Variants in ANK3 observed in about 807,000 individuals in gnomAD.
ANK3 encodes ankyrin-3.
In ANK3, 57 loss-of-function variants were observed where a neutral mutation model predicts 370.9. The observed-to-expected ratio is 0.15, with a 90% CI of 0.12 to 0.19. The LOEUF (loss-of-function observed/expected upper bound fraction) is 0.19. Among genes scored for constraint, ANK3 ranks in the 10% least tolerant of loss-of-function variants. The pLI is 1.00. For missense variants in ANK3, 4,439 were observed against 5,302.1 expected, an observed-to-expected ratio of 0.84 and a Z score of 5.06; for synonymous variants, 1,929 against 1,946.3, an observed-to-expected ratio of 0.99 and a Z score of 0.23.
chr10:60,306,942 C>T (rs913384899), intron 1 of ANK3, among the ~76,000 whole-genome samples: 6 of 152,088 alleles, frequency 3.9e-5, no homozygotes, highest in African/African-American at 1.2e-4. Flanking sequence ...GTTGCCTAGA[C>T]TGGTCTCAAA....
chr10:60,120,011 C>A (rs189025060), intron 25 of ANK3, among the ~76,000 whole-genome samples: 1 of 152,050 alleles, frequency 6.6e-6, no homozygotes, highest in East Asian at 1.9e-4. Context: ...CCAAAGCTAT[C>A]CTAAGTAAAA....
rs765525412 is a variant in ANK3 at position 60,072,488 on chromosome 10, T to C, written c.8393A>G (p.Glu2798Gly). 5 of 1,613,952 alleles carry C rather than the reference T, an allele frequency of 3.1e-6. No individual in the cohort carries two copies. Among genetic ancestry groups the C allele is most frequent in the Admixed American group, 1.7e-5 (1 of 59,990 alleles). Residue 2798 changes from glutamate (E) to glycine (G), a missense_variant, in exon 37 of 44, where the codon GAA (glutamate) becomes GGA (glycine). By Grantham distance (98) the Glu-to-Gly change is moderately conservative. Around this residue, in one of 13 missense-constraint regions of ANK3, gnomAD observed 1,601 missense variants for 1,731.7 expected, o/e 0.92. Transcript: ENST00000280772. ...AGAGCCAGAATCATTTACAACAATT[T>C]CGTTGCTTTGGGCATGCTCATCTTT... is the stretch of plus-strand genomic sequence containing the variant. ...KTKDEHAQSNEIVVNDSGSDN... is the reference protein window; with the variant it reads ...KTKDEHAQSNGIVVNDSGSDN...
intron 5 of ANK3, among the ~76,000 whole-genome samples, chr10:60,265,221 T>G (rs1220600401): frequency 6.6e-6 from 1 of 152,140 alleles, no homozygotes; most frequent in Non-Finnish European, 1.5e-5. Context: ...AAACAAAAAC[T>G]TATCCCTCCT....
At chr10:60,205,207 C>A (rs2096743106) in intron 11 of ANK3, among the ~76,000 whole-genome samples, 1 of 152,160 alleles carries the variant, frequency 6.6e-6, no homozygotes, top group African/African-American at 2.4e-5. Context: ...ACTTTACTAA[C>A]CTCAGCAGCT....
At chr10:60,392,761 T>C (rs1418913372), upstream of ANK3, among the ~76,000 whole-genome samples, 1 of 152,084 alleles carries the variant, frequency 6.6e-6, no homozygotes, top group Non-Finnish European at 1.5e-5. Context: ...AAACCCCATC[T>C]CTACTAAAAA....
At chr10:60,211,366 G>C (rs2096851822) in intron 9 of ANK3, among the ~76,000 whole-genome samples, 1 of 152,088 alleles carries the variant, frequency 6.6e-6, no homozygotes, top group Non-Finnish European at 1.5e-5. Flanking sequence ...AAAAAGGAAG[G>C]AGAATGGAGG....
intron 30 of ANK3, among the ~76,000 whole-genome samples, chr10:60,085,604 C>G (rs1446088461): frequency 6.9e-6 from 1 of 144,902 alleles, no homozygotes; most frequent in Non-Finnish European, 1.5e-5. Flanking sequence ...AATTAAGTCT[C>G]TTACTCTTTT....
intron 1 of ANK3, among the ~76,000 whole-genome samples, chr10:60,646,430 T>C (rs1010114425): frequency 6.6e-6 from 1 of 152,092 alleles, no homozygotes; most frequent in Admixed American, 6.5e-5. Flanking sequence ...ACAACTGCAG[T>C]CTGGACTAGG....
chr10:60,287,908 C>A (rs1381930812), intron 1 of ANK3, among the ~76,000 whole-genome samples: 2 of 152,152 alleles, frequency 1.3e-5, no homozygotes, highest in Admixed American at 6.5e-5. Flanking sequence ...TAATAGATTG[C>A]TGTTTTATAC....
chr10:60,348,200 A>G (rs1037299490), intron 1 of ANK3, among the ~76,000 whole-genome samples: 6 of 151,996 alleles, frequency 3.9e-5, no homozygotes, highest in Non-Finnish European at 4.4e-5. Context: ...TTTCATACCA[A>G]ACAGACTCAT....
chr10:60,246,742 A>C (rs2097562041), intron 7 of ANK3, among the ~76,000 whole-genome samples: 1 of 152,220 alleles, frequency 6.6e-6, no homozygotes, highest in South Asian at 2.1e-4. Flanking sequence ...CCTTTGAATT[A>C]ATAGAGGATG....
intron 2 of ANK3, among the ~76,000 whole-genome samples, chr10:60,440,561 A>T (rs566284956): frequency 1.3e-5 from 2 of 152,120 alleles, no homozygotes; most frequent in Non-Finnish European, 2.9e-5. Flanking sequence ...CTCACCTCCC[A>T]TCAGGTTTTT....
intron 7 of ANK3, among the ~76,000 whole-genome samples, chr10:60,235,550 GTTTTTTTTTT>G (rs72388493): frequency 2.0e-3 from 235 of 115,064 alleles, no homozygotes; most frequent in African/African-American, 7.4e-3. Flanking sequence ...CTGATTTCTT[GTTTTTTTTTT>G]TTTTTTTTTT....
intron 26 of ANK3, chr10:60,111,627 G>A: frequency 2.9e-6 from 1 of 345,764 alleles, no homozygotes; most frequent in Non-Finnish European, 5.8e-6. Context: ...ACAGCAGGAT[G>A]ACAAATGCTG....
intron 27 of ANK3, chr10:60,108,304 A>T: frequency 2.8e-6 from 1 of 358,778 alleles, no homozygotes. Flanking sequence ...ACATCCATGC[A>T]GCAGAAAGAG....
intron 7 of ANK3, among the ~76,000 whole-genome samples, chr10:60,241,859 G>C (rs2097464276): frequency 1.3e-5 from 2 of 152,172 alleles, no homozygotes; most frequent in South Asian, 2.1e-4. Flanking sequence ...AAGGGAATCG[G>C]CTATACATAC....
In ANK3 at chr10:60,059,376, C is replaced by G. The variant is rs1456125649; in HGVS notation, c.12650G>C (p.Arg4217Thr). The G allele has an allele frequency of 4.3e-6, 7 of 1,614,112 alleles. No individual in the cohort carries two copies. The highest frequency in any genetic ancestry group is 1.7e-5 in the Admixed American group (1 of 60,020). The change falls in exon 41 of 44, where the codon AGA (arginine) becomes ACA (threonine). Residue 4217 changes from arginine (R) to threonine (T), a missense_variant. Physicochemically the swap from Arg to Thr is moderately conservative, Grantham distance 71. Transcript: ENST00000280772. ...GNLESCAQAR[R>T]VTGGLLDRLD... ...TCGATCTAGTAACCCACCAGTTACT[C>G]TTCGAGCTTGAGCGCAGGACTCTAG...
At chr10:60,390,764 AC>A (rs1427638164), upstream of ANK3, among the ~76,000 whole-genome samples, 12 of 34,382 alleles carry the variant, frequency 3.5e-4, no homozygotes, top group Non-Finnish European at 7.4e-4. Context: ...ACACACACAC[AC>A]AAACAACAAT....
At chr10:60,615,678 T>G (rs1178792939) in intron 1 of ANK3, among the ~76,000 whole-genome samples, 1 of 152,184 alleles carries the variant, frequency 6.6e-6, no homozygotes, top group East Asian at 1.9e-4. Context: ...GAGAAATCCA[T>G]TTTCTCCCAA....
Sources: gnomAD v4.1 joint callset for allele counts (sites outside exome capture counted in the v4.1 genomes callset) on GRCh38, gnomAD v4.1.1 for gene constraint, gnomAD v4.1.1 regional missense constraint, MANE v1.5 for transcripts, NCBI Gene and HGNC (gene_info 2026-07-23, HGNC 2026-07-21) for gene names.